Variants in RANBP2 observed in about 807,000 individuals in gnomAD.
RANBP2 encodes the protein RAN binding protein 2.
Under a neutral mutation model 303.6 loss-of-function variants are expected in RANBP2, and 57 were observed. The observed-to-expected ratio is 0.19, with a 90% CI of 0.15 to 0.23. RANBP2 has a LOEUF of 0.23. RANBP2 is among the 10% of genes least tolerant of loss of function. RANBP2 has a pLI of 1.00. For synonymous variants in RANBP2, 1,167 were observed against 1,301.5 expected (o/e 0.90, Z 2.23); for missense variants, 3,138 against 3,780.8 (o/e 0.83, Z 4.46).
chr2:109,717,851 T>C, the RANBP2 span, among the ~76,000 whole-genome samples: 1 of 151,428 alleles, frequency 6.6e-6, no homozygotes, highest in African/African-American at 2.4e-5. Flanking sequence ...GAGGCAGAGG[T>C]TGCAGTGAGC....
intron 5 of RANBP2, 125 bp from the exon 6 acceptor site, chr2:108,735,979 G>T: frequency 8.8e-6 from 14 of 1,593,862 alleles, no homozygotes; most frequent in Non-Finnish European, 1.1e-5. Context: ...TTATAAGGTC[G>T]ATATAAAAAT....
the RANBP2 span, chr2:108,906,423 AG>A: frequency 6.3e-7 from 1 of 1,592,326 alleles, no homozygotes; most frequent in Non-Finnish European, 8.6e-7. Flanking sequence ...AGTAGAAAGG[AG>A]GCAAATCCTC....
the RANBP2 span, among the ~76,000 whole-genome samples, chr2:109,760,884 T>G: frequency 1.3e-3 from 65 of 51,196 alleles, no homozygotes; most frequent in African/African-American, 2.1e-3. Context: ...GCCGTGGGGG[T>G]GGGGTGGGTC....
the RANBP2 span, among the ~76,000 whole-genome samples, chr2:109,537,938 A>C: frequency 6.6e-6 from 1 of 152,098 alleles, no homozygotes; most frequent in Non-Finnish European, 1.5e-5. Context: ...AAAGAGCAAG[A>C]TCCTGTCTCA....
the RANBP2 span, among the ~76,000 whole-genome samples, chr2:108,821,428 G>T: frequency 2.0e-5 from 3 of 152,128 alleles, no homozygotes; most frequent in African/African-American, 7.2e-5. Context: ...CAGAGTTATT[G>T]TATTCAGTTG....
At chr2:108,828,079 G>A in the RANBP2 span, among the ~76,000 whole-genome samples, 1 of 151,688 alleles carries the variant, frequency 6.6e-6, no homozygotes, top group African/African-American at 2.4e-5. Flanking sequence ...AGGAAAATAG[G>A]AATTATTTCA....
chr2:109,662,192 T>G, the RANBP2 span, among the ~76,000 whole-genome samples: 6 of 152,284 alleles, frequency 3.9e-5, no homozygotes, highest in South Asian at 6.2e-4. Context: ...GAGACTTTCC[T>G]TTGTCCTCCT....
the RANBP2 span, among the ~76,000 whole-genome samples, chr2:108,861,463 A>T: frequency 7.1e-6 from 1 of 140,486 alleles, no homozygotes; most frequent in Non-Finnish European, 1.5e-5. Context: ...AGCACTATAA[A>T]CTTTCTTCCT....
the RANBP2 span, among the ~76,000 whole-genome samples, chr2:108,965,138 G>T: frequency 2.0e-5 from 3 of 151,998 alleles, no homozygotes; most frequent in Admixed American, 2.0e-4. Flanking sequence ...AAGGGTACTG[G>T]TATTTATTTT....
At chr2:109,010,151 A>G in the RANBP2 span, among the ~76,000 whole-genome samples, 1 of 152,102 alleles carries the variant, frequency 6.6e-6, no homozygotes, top group African/African-American at 2.4e-5. Context: ...GAGGGTGGCA[A>G]TCCCTTCCCT....
the RANBP2 span, among the ~76,000 whole-genome samples, chr2:109,306,193 A>T: frequency 1.3e-5 from 2 of 152,342 alleles, no homozygotes; most frequent in African/African-American, 4.8e-5. Flanking sequence ...GTCAGAGCAG[A>T]CCGTCTTTCA....
At chr2:109,614,268 G>A in the RANBP2 span, 1 of 679,812 alleles carries the variant, frequency 1.5e-6, no homozygotes, top group Non-Finnish European at 2.0e-6. Context: ...GAGCGGAAGT[G>A]GGCGTGGCCT....
the RANBP2 span, among the ~76,000 whole-genome samples, chr2:109,055,430 C>A: frequency 3.4e-5 from 5 of 146,080 alleles, no homozygotes; most frequent in Non-Finnish European, 1.5e-5. Context: ...GGCACAATCT[C>A]GGCTCATTGC....
chr2:108,825,781 G>A, the RANBP2 span, among the ~76,000 whole-genome samples: 11 of 152,116 alleles, frequency 7.2e-5, no homozygotes, highest in African/African-American at 2.7e-4. Flanking sequence ...ATTTTTGTAT[G>A]CACATATTTT....
chr2:109,333,236 G>A, the RANBP2 span, among the ~76,000 whole-genome samples: 4 of 152,366 alleles, frequency 2.6e-5, no homozygotes, highest in African/African-American at 9.6e-5. Context: ...TCTCCTGCCT[G>A]TAGTTGAGAA....
the RANBP2 span, chr2:108,907,787 A>C: frequency 6.4e-7 from 1 of 1,571,830 alleles, no homozygotes; most frequent in Non-Finnish European, 8.7e-7. Flanking sequence ...CTGATTCAAT[A>C]AGAAAGTTTT....
At chr2:109,525,301 T>C in the RANBP2 span, among the ~76,000 whole-genome samples, 2 of 152,078 alleles carry the variant, frequency 1.3e-5, no homozygotes, top group Non-Finnish European at 2.9e-5. Context: ...ACTACAGGCA[T>C]GTGCCACCAC....
At chr2:109,483,431 G>A in the RANBP2 span, among the ~76,000 whole-genome samples, 1 of 152,164 alleles carries the variant, frequency 6.6e-6, no homozygotes, top group African/African-American at 2.4e-5. Context: ...TCGGTGCCCA[G>A]CAAGAAAAGG....
chr2:108,875,695 A>G, the RANBP2 span, among the ~76,000 whole-genome samples: 1 of 152,008 alleles, frequency 6.6e-6, no homozygotes, highest in Non-Finnish European at 1.5e-5. Flanking sequence ...CTGTCTCTAC[A>G]AAAAATAAAC....
Sources: gnomAD v4.1 joint callset for allele counts (sites outside exome capture counted in the v4.1 genomes callset) on GRCh38, gnomAD v4.1.1 for gene constraint, MANE v1.5 for transcripts, NCBI Gene and HGNC (gene_info 2026-07-23, HGNC 2026-07-21) for gene names.